TAFA5: variants seen among roughly 807,000 people sequenced by gnomAD.
TAFA5 encodes chemokine-like protein TAFA-5.
Under a neutral mutation model 15.3 loss-of-function variants are expected in TAFA5, and 6 were observed. The observed-to-expected ratio is 0.39, with a 90% CI of 0.21 to 0.77. The LOEUF (loss-of-function observed/expected upper bound fraction) is 0.77, where lower values mean the gene tolerates loss of function less well. Among genes scored for constraint, TAFA5 ranks in the 30% least tolerant of loss-of-function variants. The pLI, the probability that TAFA5 is intolerant of heterozygous loss-of-function variation, is 0.41. For synonymous variants in TAFA5, 103 were observed against 80.7 expected, an observed-to-expected ratio of 1.28 and a Z score of -1.48; for missense variants, 161 against 193.1, an observed-to-expected ratio of 0.83 and a Z score of 0.98.
intron 1 of TAFA5, chr22:48,576,691 A>T: frequency 8.6e-7 from 1 of 1,158,172 alleles, no homozygotes; most frequent in Non-Finnish European, 1.1e-6. Flanking sequence ...AGGCTCGTGG[A>T]GCGCCACTGC....
intron 1 of TAFA5, among the ~76,000 whole-genome samples, chr22:48,636,692 T>A (rs1926463631): frequency 6.6e-6 from 1 of 152,006 alleles, no homozygotes; most frequent in African/African-American, 2.4e-5. Context: ...AGGTCCCTGC[T>A]GCCTCCGAAC....
chr22:48,516,382 G>A (rs535394448), intron 1 of TAFA5, among the ~76,000 whole-genome samples: 1 of 152,194 alleles, frequency 6.6e-6, no homozygotes, highest in East Asian at 1.9e-4. Flanking sequence ...CCCTGTCACC[G>A]AGACCTCGGG....
At chr22:48,638,186 AG>A (rs1439414707) in intron 1 of TAFA5, among the ~76,000 whole-genome samples, 2 of 152,014 alleles carry the variant, frequency 1.3e-5, no homozygotes, top group Non-Finnish European at 2.9e-5. Flanking sequence ...CGTCCTTGAG[AG>A]CCACTCCTAC....
chr22:48,738,958 A>G (rs130220), intron 3 of TAFA5, among the ~76,000 whole-genome samples: 47,489 of 152,176 alleles, frequency 0.31, 8,656 homozygotes, highest in Non-Finnish European at 0.42. Flanking sequence ...AAACCAAGCC[A>G]CCCCTCGTAT....
intron 1 of TAFA5, among the ~76,000 whole-genome samples, chr22:48,580,801 C>G (rs1388997579): frequency 6.6e-6 from 1 of 152,244 alleles, no homozygotes; most frequent in Non-Finnish European, 1.5e-5. Context: ...GCTCATTTCT[C>G]CCTGAGTCTC....
chr22:48,596,880 C>T (rs1924783911), intron 1 of TAFA5, among the ~76,000 whole-genome samples: 1 of 152,212 alleles, frequency 6.6e-6, no homozygotes, highest in African/African-American at 2.4e-5. Context: ...GCGACCTCAG[C>T]TCACTGCAGC....
intron 1 of TAFA5, among the ~76,000 whole-genome samples, chr22:48,535,907 A>T (rs1005880651): frequency 6.6e-6 from 1 of 152,198 alleles, no homozygotes; most frequent in African/African-American, 2.4e-5. Context: ...CTGTGTGGGT[A>T]TATGCATATA....
chr22:48,538,998 G>T, intron 1 of TAFA5: 1 of 191,234 alleles, frequency 5.2e-6, no homozygotes, highest in East Asian at 1.2e-4. Flanking sequence ...TATTTGTCGG[G>T]GGGATACATA....
At chr22:48,685,071 A>T (rs1479944711) in intron 2 of TAFA5, among the ~76,000 whole-genome samples, 1 of 152,190 alleles carries the variant, frequency 6.6e-6, no homozygotes, top group Non-Finnish European at 1.5e-5. Context: ...TGCACTTAAG[A>T]TGTACGTTGG....
Position 48,687,323 on chromosome 22 carries a change from G to T in TAFA5, c.263-20394G>T, listed in dbSNP as rs1404970826. Among the ~76,000 whole-genome samples, 4 of 150,544 alleles carry T rather than the reference G, an allele frequency of 2.7e-5. No homozygotes were observed. In the East Asian group the frequency reaches 8.0e-4, roughly 30 times the overall value. ...GGATGGGTGGGTGGATGAATGGATG[G>T]TGGACAGGTGGATGGATGGATTAGT... On this transcript the variant is annotated intron_variant, in intron 2 of 3. Coordinates refer to ENST00000402357, the MANE Select transcript of TAFA5 (RefSeq NM_001082967.3).
chr22:48,665,391 A>G (rs1321448397), intron 2 of TAFA5, among the ~76,000 whole-genome samples: 6 of 152,190 alleles, frequency 3.9e-5, no homozygotes, highest in Non-Finnish European at 8.8e-5. Context: ...AATGTTAGCT[A>G]AGTCGAATTG....
rs113968352 is a variant in TAFA5 at position 48,707,899 on chromosome 22, G to A, written c.390+55G>A. On this transcript the variant is annotated intron_variant, in intron 3 of 3. Coordinates refer to ENST00000402357, the MANE Select transcript of TAFA5 (RefSeq NM_001082967.3). ...TGCTGGGGAGGGGGTATGTGTGTGC[G>A]GGCCTCCGACGCCACCCGGGCTCCG... 6.0e-5 allele frequency: 94 copies of A among 1,576,120 alleles called. 1 individual carries two copies. The highest frequency in any genetic ancestry group is 3.6e-4 in the Middle Eastern group (2 of 5,508).
intron 2 of TAFA5, among the ~76,000 whole-genome samples, chr22:48,655,183 A>G (rs5771897): frequency 0.3 from 45,937 of 152,132 alleles, 7,228 homozygotes; most frequent in South Asian, 0.39. Flanking sequence ...AGCCCTGCCC[A>G]GACCCCCTGG....
chr22:48,613,705 C>T (rs972268615), intron 1 of TAFA5, among the ~76,000 whole-genome samples: 6 of 152,222 alleles, frequency 3.9e-5, no homozygotes, highest in Non-Finnish European at 4.4e-5. Flanking sequence ...GGCCTTTCCC[C>T]GGCTGCCCTT....
chr22:48,613,314 C>T (rs1925479504), intron 1 of TAFA5, among the ~76,000 whole-genome samples: 1 of 152,146 alleles, frequency 6.6e-6, no homozygotes, highest in Non-Finnish European at 1.5e-5. Flanking sequence ...AGCACAGGCC[C>T]CTGGACACTG....
At chr22:48,568,116 G>A (rs954976096) in intron 1 of TAFA5, among the ~76,000 whole-genome samples, 2 of 152,228 alleles carry the variant, frequency 1.3e-5, no homozygotes, top group African/African-American at 4.8e-5. Flanking sequence ...GGGCCAGCAG[G>A]CAGTCTGTCT....
At chr22:48,603,351 GGCGGCCACGCAGT>G (rs1217715757) in intron 1 of TAFA5, among the ~76,000 whole-genome samples, 8 of 152,266 alleles carry the variant, frequency 5.3e-5, no homozygotes, top group African/African-American at 1.4e-4. Flanking sequence ...ACCTGAGGGA[GGCGGCCACGCAGT>G]GCGGCCACGG....
At chr22:48,676,690 C>G (rs1192037152) in intron 2 of TAFA5, among the ~76,000 whole-genome samples, 1 of 152,244 alleles carries the variant, frequency 6.6e-6, no homozygotes, top group South Asian at 2.1e-4. Context: ...CCAGTGTGGA[C>G]TAGCCAGTGT....
intron 1 of TAFA5, among the ~76,000 whole-genome samples, chr22:48,492,568 C>T (rs372637588): frequency 1.3e-5 from 2 of 152,136 alleles, no homozygotes; most frequent in South Asian, 2.1e-4. Context: ...ACCGTCTGGC[C>T]GGAGAAAGAC....
Sources: gnomAD v4.1 joint callset for allele counts (sites outside exome capture counted in the v4.1 genomes callset) on GRCh38, gnomAD v4.1.1 for gene constraint, MANE v1.5 for transcripts, NCBI Gene and HGNC (gene_info 2026-07-23, HGNC 2026-07-21) for gene names.